The following CYP3A5 variants were observed in gnomAD, a reference collection of about 807,000 sequenced individuals.
The protein encoded by CYP3A5 is cytochrome P450 3A5.
In CYP3A5, 51 loss-of-function variants were observed where a neutral mutation model predicts 55.9. The ratio of observed to expected loss-of-function variants is 0.91; its 90% CI spans 0.73 to 1.15. The LOEUF is 1.15. CYP3A5 is among the 50% of genes most tolerant of loss of function. The pLI is 0.00. For missense variants in CYP3A5, 533 were observed against 596.6 expected (o/e 0.89, Z 1.11); for synonymous variants, 196 against 213.9 (o/e 0.92, Z 0.73).
At position 99,648,274 on chromosome 7, in the gene CYP3A5, T is replaced by TG; in HGVS notation, c.*30dup. ...CTGGTGTTCTGGGGCACAGCTTTCT[T>TG]GAAGACCAAAGTAGAAATCCTTAGA... On this transcript the variant is annotated 3_prime_UTR_variant, in exon 13 of 13. Coordinates refer to ENST00000222982, the MANE Select transcript of CYP3A5 (RefSeq NM_000777.5). The TG allele has an allele frequency of 6.2e-7, 1 of 1,600,716 alleles. No individual in the cohort carries two copies. The highest frequency in any genetic ancestry group is 8.5e-7 in the Non-Finnish European group (1 of 1,173,848).
rs28371765 is a variant in CYP3A5, at chr7:99,679,911, T to G, written c.-15A>C. On this transcript the variant is annotated 5_prime_UTR_variant, in exon 1 of 13. Coordinates refer to ENST00000222982, the MANE Select transcript of CYP3A5 (RefSeq NM_000777.5). ...ATGAGGTCCATCGCCACTTTCCTTC[T>G]TCAACTGTGTTCTGTGAGTCTTCCT... is the stretch of plus-strand genomic sequence containing the variant. 763 of 1,612,216 alleles carry G rather than the reference T, an allele frequency of 4.7e-4. 7 individuals carry two copies. The African/African-American group carries it at 8.8e-3, about 19-fold the overall frequency.
At chr7:99,672,788 A>G in intron 3 of CYP3A5, 109 bp from the exon 4 acceptor site, 1 of 1,559,558 alleles carries the variant, frequency 6.4e-7, no homozygotes, top group Non-Finnish European at 8.7e-7. Flanking sequence ...CCATACCCCT[A>G]GTTGTACGAC....
Position 99,670,693 on chromosome 7 carries a change from T to A in CYP3A5, c.318+1887A>T, listed in dbSNP as rs4646448. ...ATGACAAATATCCCTTGCTTCACAA[T>A]CACACCTTGTTCATGTCATTGCTTT... On this transcript the variant is annotated intron_variant, in intron 4 of 12. Coordinates refer to ENST00000222982, the MANE Select transcript of CYP3A5 (RefSeq NM_000777.5). Among the ~76,000 whole-genome samples the A allele has an allele frequency of 3.9e-5, 6 of 152,320 alleles. No individual in the cohort carries two copies. In the East Asian group the frequency reaches 1.2e-3, roughly 29 times the overall value.
At chr7:99,672,042 T>TTTGTTGTTGTTGTTGTTGTTGTTGTTG (rs573372567) in intron 4 of CYP3A5, among the ~76,000 whole-genome samples, 7 of 151,728 alleles carry the variant, frequency 4.6e-5, no homozygotes, top group Admixed American at 1.3e-4. Context: ...TTTGCCGGTT[T>TTTGTTGTTGTTGTTGTTGTTGTTGTTG]TTGTTGTTGT....
At chr7:99,660,839 A>G (rs1386509980) in intron 9 of CYP3A5, among the ~76,000 whole-genome samples, 180 bp from the exon 10 acceptor site, 1 of 152,158 alleles carries the variant, frequency 6.6e-6, no homozygotes, top group African/African-American at 2.4e-5. Context: ...ATGACGCAAA[A>G]TCATTTTAAT....
At chr7:99,666,498 G>T in intron 6 of CYP3A5, 103 bp downstream of exon 6, 1 of 1,271,162 alleles carries the variant, frequency 7.9e-7, no homozygotes, top group Non-Finnish European at 1.1e-6. Flanking sequence ...CCCTGCTTTT[G>T]TCTGGTCACT....
chr7:99,674,164 A>G (rs1811985410), intron 3 of CYP3A5: 1 of 169,832 alleles, frequency 5.9e-6, no homozygotes, highest in African/African-American at 2.4e-5. Flanking sequence ...TTACACAAAA[A>G]TATTTCTGCA....
chr7:99,665,938 A>G (rs1177590278), intron 6 of CYP3A5, among the ~76,000 whole-genome samples: 2 of 152,288 alleles, frequency 1.3e-5, no homozygotes, highest in African/African-American at 4.8e-5. Context: ...AAAAAAATAG[A>G]TCTCTCCAAC....
chr7:99,660,329 A>G, intron 10 of CYP3A5, 170 bp downstream of exon 10: 2 of 1,270,112 alleles, frequency 1.6e-6, no homozygotes, highest in East Asian at 3.8e-5. Context: ...GCCAGTAGCA[A>G]CCGTTCTCTA....
At chr7:99,669,888 G>T (rs1285017005) in intron 4 of CYP3A5, among the ~76,000 whole-genome samples, 1 of 152,156 alleles carries the variant, frequency 6.6e-6, no homozygotes, top group Admixed American at 6.5e-5. Context: ...AGAGGGACTT[G>T]TACAATTAAT....
intron 6 of CYP3A5, 34 bp from the exon 7 acceptor site, chr7:99,665,348 G>C: frequency 1.9e-6 from 3 of 1,613,076 alleles, no homozygotes; most frequent in Non-Finnish European, 2.5e-6. Flanking sequence ...ATTAAAATCA[G>C]CACCTCTTAC....
At position 99,667,074 on chromosome 7, in the gene CYP3A5, C is replaced by T. The variant is rs773129654; in HGVS notation, c.319-9G>A. ...CCCACTGGGCCTAAAGACTAGAGTT[C>T]AACAGAAACATTTTTTCTCACATTA... On this transcript the variant is annotated splice_polypyrimidine_tract_variant and intron_variant, in intron 4 of 12. Coordinates refer to ENST00000222982, the MANE Select transcript of CYP3A5 (RefSeq NM_000777.5). The T allele has an allele frequency of 4.4e-6, 7 of 1,606,726 alleles. No homozygotes were observed. The African/African-American group carries it at 5.4e-5, about 12-fold the overall frequency.
At chr7:99,648,492 T>C in intron 12 of CYP3A5, 92 bp from the exon 13 acceptor site, 1 of 947,156 alleles carries the variant, frequency 1.1e-6, no homozygotes. Context: ...ACAAAAATGC[T>C]TTGCAAGCAT....
intron 1 of CYP3A5, chr7:99,677,180 A>G (rs1383516341): frequency 4.1e-6 from 4 of 985,256 alleles, no homozygotes; most frequent in South Asian, 9.4e-5. Context: ...AACTCCTCCA[A>G]CTGATGGTTC....
intron 10 of CYP3A5, chr7:99,660,066 A>G (rs779405839): frequency 2.8e-6 from 1 of 363,364 alleles, no homozygotes; most frequent in East Asian, 1.6e-4. Context: ...CACTGCACCC[A>G]CTGTCCTGCA....
intron 1 of CYP3A5, among the ~76,000 whole-genome samples, chr7:99,679,336 C>T (rs753242978): frequency 2.9e-4 from 44 of 151,974 alleles, no homozygotes; most frequent in Non-Finnish European, 5.7e-4. Context: ...GGTTGGAAGG[C>T]GGGGGAGCAG....
In CYP3A5 at chr7:99,665,239, T is replaced by G. The variant is rs1810886075; in HGVS notation, c.597A>C (p.Pro199=). Residue 199 remains proline, a synonymous_variant, in exon 7 of 13, where the codon CCA becomes CCC. Transcript: ENST00000222982. ...TAGTGCTCTCCACAAAGGGGTCTTG[T>G]GGATTGTTGAGAGAGTCGATGTTCA... ...FGVNIDSLNN[P]QDPFVESTKK... 1 of 1,614,056 alleles carries G rather than the reference T, an allele frequency of 6.2e-7. No individual in the cohort carries two copies. The highest frequency in any genetic ancestry group is 8.5e-7 in the Non-Finnish European group (1 of 1,180,016).
chr7:99,650,096 A>G lies in CYP3A5; in HGVS notation c.1390T>C (p.Phe464Leu). 1 of 1,614,134 alleles carries G rather than the reference A, an allele frequency of 6.2e-7. No individual in the cohort carries two copies. The highest frequency in any genetic ancestry group is 8.5e-7 in the Non-Finnish European group (1 of 1,179,976). Residue 464 changes from phenylalanine (F) to leucine (L), a missense_variant, in exon 12 of 13, where the codon TTC (phenylalanine) becomes CTC (leucine). Transcript: ENST00000222982. Reference sequence around the variant, plus strand: ...ACCTGTGTTTCTTTACAAGGTTTGAAGGAGAAGTTCTGAAGGACTCTGATT... The same window carrying G: ...ACCTGTGTTTCTTTACAAGGTTTGAGGGAGAAGTTCTGAAGGACTCTGATT... ...ALIRVLQNFS[F>L]KPCKETQIPL...
chr7:99,658,657 G>T (rs1232177531), intron 10 of CYP3A5, among the ~76,000 whole-genome samples: 1 of 152,164 alleles, frequency 6.6e-6, no homozygotes, highest in Non-Finnish European at 1.5e-5. Context: ...AGTTCTCCTG[G>T]ATAATATCCT....
Sources: allele counts gnomAD v4.1 joint callset (sites outside exome capture counted in the v4.1 genomes callset), GRCh38; gene constraint gnomAD v4.1.1; transcripts MANE v1.5; gene names NCBI Gene and HGNC (gene_info 2026-07-23, HGNC 2026-07-21).